COX5B: variants seen among roughly 807,000 people sequenced by gnomAD.
The protein encoded by COX5B is cytochrome c oxidase subunit 5B, mitochondrial.
Under a neutral mutation model 16.2 loss-of-function variants are expected in COX5B, and 8 were observed. The ratio of observed to expected loss-of-function variants is 0.49; its 90% CI spans 0.29 to 0.89. The LOEUF is 0.89. Ranked by LOEUF, COX5B falls within the 40% of genes least tolerant of loss-of-function variation. COX5B has a pLI of 0.08. For missense variants in COX5B, 161 were observed against 168.7 expected, an observed-to-expected ratio of 0.95 and a Z score of 0.25; for synonymous variants, 65 against 67.6, an observed-to-expected ratio of 0.96 and a Z score of 0.19.
At position 97,648,356 on chromosome 2, in the gene COX5B, A is replaced by C; in HGVS notation, c.*248A>C. On this transcript the variant is annotated 3_prime_UTR_variant, in exon 4 of 4. Transcript: ENST00000258424. The stretch of plus-strand genomic sequence containing the variant: ...AATAAGAATAGATCGACAACCCGTA[A>C]TGCAATGAATGGGACCACCTGGTAT... The C allele has an allele frequency of 2.5e-6, 1 of 401,242 alleles. No individual in the cohort carries two copies. The highest frequency in any genetic ancestry group is 4.4e-6 in the Non-Finnish European group (1 of 228,432). 24.9% of individuals were successfully genotyped at this position (401,242 alleles called of 1,614,324 possible).
rs148368138 is a variant in COX5B at position 97,647,392 on chromosome 2, G to T, written c.226G>T (p.Asp76Tyr). Residue 76 changes from aspartate (D) to tyrosine (Y), a missense_variant, in exon 3 of 4, where the codon GAC becomes TAC. Coordinates refer to ENST00000258424, the MANE Select transcript of COX5B (RefSeq NM_001862.3). ...APKGASGTRE[D>Y]PNLVPSISNK... ...AAAGGGAGCTTCAGGCACCAGGGAAGACCCTAATTTAGTCCCCTCCATCTC... is the reference window on the plus strand; with the variant it reads ...AAAGGGAGCTTCAGGCACCAGGGAATACCCTAATTTAGTCCCCTCCATCTC... 6.2e-6 allele frequency: 10 copies of T among 1,614,186 alleles called. No individual in the cohort carries two copies. Among genetic ancestry groups the T allele is most frequent in the Non-Finnish European group, 7.6e-6 (9 of 1,180,038 alleles).
rs569064799 is a variant in COX5B at position 97,647,987 on chromosome 2, C to T, written c.278-9C>T. The T allele has an allele frequency of 5.0e-6, 8 of 1,609,654 alleles. No homozygotes were observed. Among genetic ancestry groups the T allele is most frequent in the East Asian group, 4.5e-5 (2 of 44,844 alleles). On this transcript the variant is annotated splice_polypyrimidine_tract_variant and intron_variant, in intron 3 of 3. Coordinates refer to ENST00000258424, the MANE Select transcript of COX5B (RefSeq NM_001862.3). ...TGGATGACCATAAACCACCTTTTTT[C>T]CCTTTTAGGTGAAGAGGACAATACC...
At chr2:97,647,180 T>G in intron 2 of COX5B, 40 bp downstream of exon 2, 1 of 1,599,206 alleles carries the variant, frequency 6.3e-7, no homozygotes, top group Non-Finnish European at 8.6e-7. Context: ...GTGTAACTTA[T>G]GGCCTTGGAT....
At chr2:97,646,294 G>A in intron 1 of COX5B, 105 bp downstream of exon 1, 1 of 689,582 alleles carries the variant, frequency 1.5e-6, no homozygotes, top group Non-Finnish European at 2.4e-6. Context: ...GGTCCCAGTG[G>A]CCGCTTTACG....
chr2:97,647,927 A>G, intron 3 of COX5B, 69 bp from the exon 4 acceptor site: 1 of 1,372,674 alleles, frequency 7.3e-7, no homozygotes, highest in Non-Finnish European at 1.0e-6. Context: ...TGTCTGAGGA[A>G]AAGAAATTCA....
Position 97,647,444 on chromosome 2 carries a change from G to GT in COX5B, c.277+2dup. ...AACAAGAGAATAGTAGGCTGCATCT[G>GT]TAAGTACCTCACCTCTATTTTTTAT... On this transcript the variant is annotated splice_donor_variant, in intron 3 of 3. Coordinates refer to ENST00000258424, the MANE Select transcript of COX5B (RefSeq NM_001862.3). LOFTEE classifies it high-confidence loss of function. 1 of 1,609,424 alleles carries GT rather than the reference G, an allele frequency of 6.2e-7. No homozygotes were observed. The highest frequency in any genetic ancestry group is 8.5e-7 in the Non-Finnish European group (1 of 1,176,076).
Position 97,648,218 on chromosome 2 carries a change from C to T in COX5B, c.*110C>T, listed in dbSNP as rs1226241038. ...TAGATGGCTGGTCTTATTTCTTACC[C>T]GTATTCTTTGGTAGGCATGGAATAT... On this transcript the variant is annotated 3_prime_UTR_variant, in exon 4 of 4. Coordinates refer to ENST00000258424, the MANE Select transcript of COX5B (RefSeq NM_001862.3). 1.8e-5 allele frequency: 17 copies of T among 937,644 alleles called. No individual in the cohort carries two copies. In the South Asian group the frequency reaches 2.4e-4, roughly 13 times the overall value. 58.1% of individuals were successfully genotyped at this position (937,644 alleles called of 1,614,324 possible).
At position 97,646,183 on chromosome 2, in the gene COX5B, T is replaced by C; in HGVS notation, c.97T>C (p.Ser33Pro). The C allele has an allele frequency of 6.5e-7, 1 of 1,544,714 alleles. No individual in the cohort carries two copies. Among genetic ancestry groups the C allele is most frequent in the Non-Finnish European group, 8.8e-7 (1 of 1,142,746 alleles). ...SGAAAMRSMA[S>P]GGGVPTDEEQ... ...CGCGGCCGCGATGCGCTCCATGGCA[T>C]CTGGAGGTACTCGGGTCTCCGGGCG... is the stretch of plus-strand genomic sequence containing the variant. Residue 33 changes from serine to proline, a missense_variant, in exon 1 of 4, where the codon TCT (serine) becomes CCT (proline). Coordinates refer to ENST00000258424, the MANE Select transcript of COX5B (RefSeq NM_001862.3).
chr2:97,646,923 G>C (rs997137396), intron 1 of COX5B, 144 bp from the exon 2 acceptor site: 2 of 713,730 alleles, frequency 2.8e-6, no homozygotes, highest in African/African-American at 1.8e-5. Flanking sequence ...AGGGGACCAT[G>C]GATATGAGTA....
chr2:97,646,157 G>A lies in COX5B; in HGVS notation c.71G>A (p.Gly24Asp). The A allele has an allele frequency of 6.4e-7, 1 of 1,552,282 alleles. No individual in the cohort carries two copies. The highest frequency in any genetic ancestry group is 8.7e-7 in the Non-Finnish European group (1 of 1,147,548). The stretch of plus-strand genomic sequence containing the variant: ...GCCCTGAGGGCTCGCGGCCCCAGTG[G>A]CGCGGCCGCGATGCGCTCCATGGCA... The part of the protein sequence containing the change: ...AQALRARGPS[G>D]AAAMRSMASG... The change falls in exon 1 of 4, where the codon GGC becomes GAC. Residue 24 changes from glycine (G) to aspartate (D), a missense_variant. Transcript: ENST00000258424.
chr2:97,647,584 T>TGATA (rs1340639073), intron 3 of COX5B, 141 bp downstream of exon 3: 1 of 759,898 alleles, frequency 1.3e-6, no homozygotes, highest in Non-Finnish European at 2.2e-6. Context: ...TCATTATGCC[T>TGATA]GATAGTTCAT....
chr2:97,647,225 A>G (rs1674674330), intron 2 of COX5B, 85 bp downstream of exon 2: 3 of 1,543,130 alleles, frequency 1.9e-6, no homozygotes, highest in African/African-American at 1.4e-5. Flanking sequence ...GGAGTATTTG[A>G]TACAGGAAAC....
rs748058788 is a variant in COX5B, at chr2:97,647,463, T to G, written c.277+20T>G. The G allele has an allele frequency of 6.3e-7, 1 of 1,583,870 alleles. No homozygotes were observed. Among genetic ancestry groups the G allele is most frequent in the Non-Finnish European group, 8.7e-7 (1 of 1,154,434 alleles). ...GCATCTGTAAGTACCTCACCTCTAT[T>G]TTTTATCCACTTGCTTAATATATCC... is the stretch of plus-strand genomic sequence containing the variant. On this transcript the variant is annotated intron_variant, in intron 3 of 3. Transcript: ENST00000258424.
chr2:97,646,219 C>G, intron 1 of COX5B, 30 bp downstream of exon 1: 1 of 1,461,800 alleles, frequency 6.8e-7, no homozygotes, highest in Non-Finnish European at 9.3e-7. Flanking sequence ...TGCCAGGGAC[C>G]AGAGTGTTGC....
chr2:97,648,176 A>G lies in COX5B; in HGVS notation c.*68A>G, dbSNP rs895310606. The G allele has an allele frequency of 1.6e-6, 2 of 1,279,880 alleles. No individual in the cohort carries two copies. The highest frequency in any genetic ancestry group is 5.3e-5 in the Admixed American group (2 of 37,446). 79.3% of individuals were successfully genotyped at this position (1,279,880 alleles called of 1,614,324 possible). ...CTTTCCAGTAAAGACTAGCCATTGC[A>G]TTGGCTCCTTCTCCCATAGATGGCT... is the stretch of plus-strand genomic sequence containing the variant. On this transcript the variant is annotated 3_prime_UTR_variant, in exon 4 of 4. Coordinates refer to ENST00000258424, the MANE Select transcript of COX5B (RefSeq NM_001862.3).
Position 97,648,088 on chromosome 2 carries a change from C to A in COX5B, c.370C>A (p.Pro124Thr), listed in dbSNP as rs1369195297. ...CTGTGGAGCCCATTACAAGCTGGTG[C>A]CCCAGCAGCTGGCACACTGAGCACC... The part of the protein sequence containing the change: ...PRCGAHYKLV[P>T]QQLAH The change falls in exon 4 of 4, where the codon CCC (proline) becomes ACC (threonine). Residue 124 changes from proline (P) to threonine (T), a missense_variant. Physicochemically the swap from Pro to Thr is conservative, Grantham distance 38 (BLOSUM62 -1). Transcript: ENST00000258424. 6.2e-7 allele frequency: 1 copy of A among 1,606,422 alleles called. No homozygotes were observed. The highest frequency in any genetic ancestry group is 8.5e-7 in the Non-Finnish European group (1 of 1,177,026).
chr2:97,646,218 C>G, intron 1 of COX5B, 29 bp downstream of exon 1: 1 of 1,470,200 alleles, frequency 6.8e-7, no homozygotes, highest in South Asian at 1.2e-5. Flanking sequence ...GTGCCAGGGA[C>G]CAGAGTGTTG....
At chr2:97,647,176 C>T (rs748680287) in intron 2 of COX5B, 36 bp downstream of exon 2, 1 of 1,605,114 alleles carries the variant, frequency 6.2e-7, no homozygotes. Flanking sequence ...TTCTGTGTAA[C>T]TTATGGCCTT....
At chr2:97,647,319 G>A in intron 2 of COX5B, 25 bp from the exon 3 acceptor site, 2 of 1,598,124 alleles carry the variant, frequency 1.3e-6, no homozygotes, top group Non-Finnish European at 1.7e-6. Flanking sequence ...TTTTTGTTTT[G>A]TTTTGTTTTT....
Sources: allele counts gnomAD v4.1 joint callset, GRCh38; gene constraint gnomAD v4.1.1; transcripts MANE v1.5; gene names NCBI Gene and HGNC (gene_info 2026-07-23, HGNC 2026-07-21).